The following TLL1 variants were observed in gnomAD, a reference collection of about 807,000 sequenced individuals.
TLL1 encodes tolloid like 1, also known as tolloid-like protein 1.
In TLL1, 49 loss-of-function variants were observed where a neutral mutation model predicts 128.2. That is an observed-to-expected ratio of 0.38 (90% CI 0.30 to 0.48). TLL1 has a LOEUF of 0.48. Ranked by LOEUF, TLL1 falls within the 20% of genes least tolerant of loss-of-function variation. The probability of loss-of-function intolerance (pLI) is 0.96; values close to 1 mark genes in which losing one functional copy is unlikely to be tolerated. For synonymous variants in TLL1, 454 were observed against 418.8 expected (o/e 1.08, Z -1.03); for missense variants, 1,123 against 1,242.0 (o/e 0.90, Z 1.44).
intron 1 of TLL1, among the ~76,000 whole-genome samples, chr4:165,974,492 A>G (rs1735783607): frequency 6.6e-6 from 1 of 152,058 alleles, no homozygotes; most frequent in Non-Finnish European, 1.5e-5. Context: ...GTATTTTTGT[A>G]TATTACCGAG....
At chr4:165,991,550 T>A (rs980357319) in intron 2 of TLL1, among the ~76,000 whole-genome samples, 11 of 152,010 alleles carry the variant, frequency 7.2e-5, no homozygotes, top group Admixed American at 7.2e-4. Context: ...TGTGGCCATG[T>A]AATGGAAGTA....
At chr4:166,020,946 A>G (rs1738199316) in intron 8 of TLL1, among the ~76,000 whole-genome samples, 1 of 152,208 alleles carries the variant, frequency 6.6e-6, no homozygotes, top group African/African-American at 2.4e-5. Context: ...TTTAATAAAC[A>G]AAGAATACTT....
intron 15 of TLL1, among the ~76,000 whole-genome samples, chr4:166,061,906 G>T (rs192587989): frequency 3.0e-4 from 45 of 152,208 alleles, no homozygotes; most frequent in Admixed American, 2.7e-3. Context: ...AAGGTGTAAG[G>T]AAAGGACCCA....
Position 166,057,212 on chromosome 4 carries a change from T to G in TLL1, c.1749T>G (p.Arg583=). 1 of 1,613,844 alleles carries G rather than the reference T, an allele frequency of 6.2e-7. No individual in the cohort carries two copies. The highest frequency in any genetic ancestry group is 8.5e-7 in the Non-Finnish European group (1 of 1,179,928). ...KEEDECAKPD[R]GGCEQRCLNT... ...AAGATGAGTGTGCCAAACCTGACCG[T>G]GGAGGCTGTGAGCAGCGATGTCTGA... Residue 583 remains arginine, a synonymous_variant, in exon 14 of 21, where the codon CGT becomes CGG. Coordinates refer to ENST00000061240, the MANE Select transcript of TLL1 (RefSeq NM_012464.5).
intron 1 of TLL1, among the ~76,000 whole-genome samples, chr4:165,959,158 T>C (rs1198991815): frequency 1.3e-5 from 2 of 152,210 alleles, no homozygotes; most frequent in East Asian, 1.9e-4. Context: ...TGCCTCCGGC[T>C]TTGTTCTTTT....
chr4:165,964,029 G>T (rs749414955), intron 1 of TLL1, among the ~76,000 whole-genome samples: 45 of 152,066 alleles, frequency 3.0e-4, no homozygotes, highest in African/African-American at 8.9e-4. Flanking sequence ...AAAATTTTAG[G>T]CTACATTTGG....
chr4:165,891,386 T>G (rs1731395955), intron 1 of TLL1, among the ~76,000 whole-genome samples: 1 of 152,200 alleles, frequency 6.6e-6, no homozygotes, highest in South Asian at 2.1e-4. Context: ...CAAACTTTTA[T>G]GCTCTGCTTT....
intron 1 of TLL1, among the ~76,000 whole-genome samples, chr4:165,898,347 T>G (rs1396436115): frequency 6.6e-6 from 1 of 152,264 alleles, no homozygotes; most frequent in African/African-American, 2.4e-5. Flanking sequence ...GCCCATTCAG[T>G]ATGATATTGG....
At chr4:166,086,305 C>G (rs1001234375) in intron 18 of TLL1, among the ~76,000 whole-genome samples, 1 of 152,074 alleles carries the variant, frequency 6.6e-6, no homozygotes, top group African/African-American at 2.4e-5. Flanking sequence ...CTTTTATGGA[C>G]TGTTCTAGTT....
chr4:165,962,871 C>T (rs1735181042), intron 1 of TLL1, among the ~76,000 whole-genome samples: 1 of 151,712 alleles, frequency 6.6e-6, no homozygotes, highest in Non-Finnish European at 1.5e-5. Context: ...GCCTGGCCAA[C>T]ATGCTGAAAC....
intron 8 of TLL1, among the ~76,000 whole-genome samples, chr4:166,020,967 T>C (rs993112026): frequency 1.3e-5 from 2 of 152,200 alleles, no homozygotes; most frequent in Non-Finnish European, 2.9e-5. Flanking sequence ...ATATAGAGTG[T>C]ACATATCTAT....
At chr4:165,929,249 CTG>C (rs1733407087) in intron 1 of TLL1, among the ~76,000 whole-genome samples, 2 of 152,130 alleles carry the variant, frequency 1.3e-5, no homozygotes, top group East Asian at 1.9e-4. Flanking sequence ...CAAAAGGAAA[CTG>C]TGTATTCTGA....
intron 8 of TLL1, among the ~76,000 whole-genome samples, chr4:166,022,943 TTATTGCAGAAGTAGTTG>T (rs1397458380): frequency 1.3e-5 from 2 of 152,226 alleles, no homozygotes; most frequent in African/African-American, 4.8e-5. Flanking sequence ...TTCCCTAATA[TTATTGCAGAAGTAGTTG>T]TATTGCTCAC....
At chr4:165,892,742 C>T (rs2110834670) in intron 1 of TLL1, among the ~76,000 whole-genome samples, 1 of 152,312 alleles carries the variant, frequency 6.6e-6, no homozygotes, top group East Asian at 1.9e-4. Flanking sequence ...TAAACTACTT[C>T]ACATGTTTGT....
At position 166,014,997 on chromosome 4, in the gene TLL1, A is replaced by G. The variant is rs376617539; in HGVS notation, c.1042+437A>G. Among the ~76,000 whole-genome samples the G allele has an allele frequency of 2.0e-5, 3 of 151,744 alleles. No homozygotes were observed. In the East Asian group the frequency reaches 5.8e-4, roughly 29 times the overall value. The stretch of plus-strand genomic sequence containing the variant: ...TTAATGGCATATAAATTACAATTTT[A>G]TCAGTAGGAATTTATAACTTTGTTG... On this transcript the variant is annotated intron_variant, in intron 8 of 20. Transcript: ENST00000061240.
At chr4:166,043,538 G>T (rs1228518921) in intron 12 of TLL1, 119 bp downstream of exon 12, 1 of 1,426,312 alleles carries the variant, frequency 7.0e-7, no homozygotes, top group Non-Finnish European at 9.8e-7. Context: ...CAGCAAAGAA[G>T]CAAAGGATCG....
chr4:165,911,110 C>T (rs1732508192), intron 1 of TLL1, among the ~76,000 whole-genome samples: 1 of 152,122 alleles, frequency 6.6e-6, no homozygotes, highest in African/African-American at 2.4e-5. Context: ...TCACCCTACT[C>T]TACTATCAAA....
intron 9 of TLL1, among the ~76,000 whole-genome samples, chr4:166,038,932 A>C (rs1281861073): frequency 2.0e-5 from 3 of 152,184 alleles, no homozygotes; most frequent in Admixed American, 6.6e-5. Flanking sequence ...TTTTGAAATA[A>C]ATTATTTTTT....
chr4:165,897,945 A>T (rs560388657), intron 1 of TLL1, among the ~76,000 whole-genome samples: 1 of 152,140 alleles, frequency 6.6e-6, no homozygotes, highest in African/African-American at 2.4e-5. Context: ...GGTGCTTCAC[A>T]TCCGTTGTAA....
Sources: gnomAD v4.1 joint callset for allele counts (sites outside exome capture counted in the v4.1 genomes callset) on GRCh38, gnomAD v4.1.1 for gene constraint, MANE v1.5 for transcripts, NCBI Gene and HGNC (gene_info 2026-07-23, HGNC 2026-07-21) for gene names.